Variants in C1QTNF7 observed in about 807,000 individuals in gnomAD.
The protein encoded by C1QTNF7 is complement C1q tumor necrosis factor-related protein 7.
In C1QTNF7, 15 loss-of-function variants were observed where a neutral mutation model predicts 19.6. The observed-to-expected ratio is 0.76, with a 90% CI of 0.51 to 1.18. The LOEUF (loss-of-function observed/expected upper bound fraction) is 1.18, where lower values mean the gene tolerates loss of function less well. Ranked by LOEUF, C1QTNF7 falls within the 50% of genes most tolerant of loss-of-function variation. The pLI is 0.00. For missense variants in C1QTNF7, 324 were observed against 359.7 expected, an observed-to-expected ratio of 0.90 and a Z score of 0.80; for synonymous variants, 142 against 137.5, an observed-to-expected ratio of 1.03 and a Z score of -0.23.
chr4:15,433,060 G>A (rs962928183), intron 1 of C1QTNF7, among the ~76,000 whole-genome samples: 1 of 152,130 alleles, frequency 6.6e-6, no homozygotes, highest in Non-Finnish European at 1.5e-5. Context: ...TGTCTGAGAA[G>A]CCACTGTCCA....
Position 15,346,844 on chromosome 4 carries a change from G to T in C1QTNF7, c.13+6637G>T, listed in dbSNP as rs372697424. Among the ~76,000 whole-genome samples the T allele has an allele frequency of 1.1e-3, 171 of 152,122 alleles. 1 individual carries two copies. Among genetic ancestry groups the T allele is most frequent in the African/African-American group, 4.1e-3 (170 of 41,520 alleles). The stretch of plus-strand genomic sequence containing the variant: ...GATCTGCTTCTTGACTGCCTTCCTT[G>T]TCCATCTCTGTTCCTACCACTCTCC... On this transcript the variant is annotated intron_variant, in intron 1 of 2. Coordinates refer to the C1QTNF7 transcript ENST00000295297.
chr4:15,387,273 G>T (rs1718374176), intron 1 of C1QTNF7, among the ~76,000 whole-genome samples: 3 of 152,300 alleles, frequency 2.0e-5, no homozygotes, highest in South Asian at 4.1e-4. Context: ...GATGAGCTGG[G>T]TTCATGAAGC....
intron 1 of C1QTNF7, among the ~76,000 whole-genome samples, chr4:15,431,040 AAGATAGATAGATGATAGATAGAT>A (rs1327845172): frequency 1.5e-4 from 22 of 149,290 alleles, no homozygotes; most frequent in African/African-American, 4.7e-4. Flanking sequence ...TTTGTAGATT[AAGATAGATAGATGATAGATAGAT>A]AGATAGATAG....
intron 1 of C1QTNF7, among the ~76,000 whole-genome samples, chr4:15,375,221 A>G (rs1279730050): frequency 6.6e-6 from 1 of 152,130 alleles, no homozygotes; most frequent in Non-Finnish European, 1.5e-5. Context: ...TTAGTAGAGG[A>G]AAAAGAAAGC....
At chr4:15,355,905 T>C (rs1203438202) in intron 1 of C1QTNF7, among the ~76,000 whole-genome samples, 1 of 152,118 alleles carries the variant, frequency 6.6e-6, no homozygotes, top group East Asian at 1.9e-4. Flanking sequence ...TTGTCCAAGC[T>C]GGAGTGCAGT....
At chr4:15,415,090 C>T (rs1340347131) in intron 1 of C1QTNF7, among the ~76,000 whole-genome samples, 1 of 152,232 alleles carries the variant, frequency 6.6e-6, no homozygotes, top group South Asian at 2.1e-4. Context: ...TGAACAAATA[C>T]ATCTTTTCAC....
chr4:15,440,429 A>G (rs980444979), intron 2 of C1QTNF7, among the ~76,000 whole-genome samples: 2 of 136,096 alleles, frequency 1.5e-5, no homozygotes, highest in Admixed American at 1.5e-4. Context: ...TTTTTTTGAT[A>G]CTGAGTCTTG....
At chr4:15,422,654 G>C (rs13146183) in intron 1 of C1QTNF7, among the ~76,000 whole-genome samples, 40,693 of 151,888 alleles carry the variant, frequency 0.27, 6,365 homozygotes, top group Middle Eastern at 0.37. Context: ...ACCTAGGCTG[G>C]AGTGCAGTGG....
intron 1 of C1QTNF7, among the ~76,000 whole-genome samples, chr4:15,372,789 G>T (rs965195673): frequency 2.6e-5 from 4 of 152,028 alleles, no homozygotes; most frequent in Non-Finnish European, 5.9e-5. Context: ...TTTTCTCTTT[G>T]TTCTTCATTC....
At chr4:15,425,334 A>G (rs958830041), upstream of C1QTNF7, among the ~76,000 whole-genome samples, 1 of 152,172 alleles carries the variant, frequency 6.6e-6, no homozygotes, top group Non-Finnish European at 1.5e-5. Flanking sequence ...AGGGTTCAGG[A>G]GAAGACAGGG....
chr4:15,349,126 C>A (rs997426567), intron 1 of C1QTNF7, among the ~76,000 whole-genome samples: 1 of 152,208 alleles, frequency 6.6e-6, no homozygotes, highest in African/African-American at 2.4e-5. Context: ...AAGCCTCTTG[C>A]CACACAGGAC....
chr4:15,413,646 G>C (rs1719484733), intron 1 of C1QTNF7, among the ~76,000 whole-genome samples: 1 of 152,170 alleles, frequency 6.6e-6, no homozygotes, highest in Non-Finnish European at 1.5e-5. Context: ...TGCTTCAGTT[G>C]TAGTTAAAAT....
chr4:15,342,425 A>T (rs932076515), intron 1 of C1QTNF7, among the ~76,000 whole-genome samples: 1 of 152,158 alleles, frequency 6.6e-6, no homozygotes, highest in Non-Finnish European at 1.5e-5. Flanking sequence ...CCGAGTGTCC[A>T]CTCTGTGCCA....
intron 1 of C1QTNF7, among the ~76,000 whole-genome samples, chr4:15,348,787 C>T (rs1716802899): frequency 6.6e-6 from 1 of 152,130 alleles, no homozygotes; most frequent in African/African-American, 2.4e-5. Flanking sequence ...TCATATAGTT[C>T]AACCTAATAT....
chr4:15,374,631 A>T (rs1341150954), intron 1 of C1QTNF7: 2 of 985,354 alleles, frequency 2.0e-6, no homozygotes, highest in East Asian at 2.3e-4. Flanking sequence ...GCGAATCAGG[A>T]AATTACTTAT....
upstream of C1QTNF7, among the ~76,000 whole-genome samples, chr4:15,427,566 C>A (rs1712107222): frequency 6.6e-6 from 1 of 152,168 alleles, no homozygotes; most frequent in East Asian, 1.9e-4. Context: ...GGGCTATTTT[C>A]CTGCCATATT....
At chr4:15,436,446 T>C (rs1712541694) in intron 2 of C1QTNF7, among the ~76,000 whole-genome samples, 1 of 152,234 alleles carries the variant, frequency 6.6e-6, no homozygotes, top group Non-Finnish European at 1.5e-5. Context: ...AGGAGCCAGA[T>C]GCATAGATGC....
At chr4:15,368,909 C>T (rs1717625188) in intron 1 of C1QTNF7, among the ~76,000 whole-genome samples, 1 of 152,144 alleles carries the variant, frequency 6.6e-6, no homozygotes, top group Non-Finnish European at 1.5e-5. Context: ...TCTGGGAAAG[C>T]CAACCAAATG....
chr4:15,440,745 C>G (rs1712726294), intron 2 of C1QTNF7, among the ~76,000 whole-genome samples: 1 of 151,994 alleles, frequency 6.6e-6, no homozygotes, highest in Non-Finnish European at 1.5e-5. Context: ...ACTCAGTTTT[C>G]TCCTCACAAA....
Sources: gnomAD v4.1 joint callset for allele counts (sites outside exome capture counted in the v4.1 genomes callset) on GRCh38, gnomAD v4.1.1 for gene constraint, MANE v1.5 for transcripts, NCBI Gene and HGNC (gene_info 2026-07-23, HGNC 2026-07-21) for gene names.